TRMT9B: variants seen among roughly 807,000 people sequenced by gnomAD.
The protein encoded by TRMT9B is tRNA methyltransferase 9B (putative), also known as probable tRNA methyltransferase 9B.
In TRMT9B, 16 loss-of-function variants were observed where a neutral mutation model predicts 11.5. The ratio of observed to expected loss-of-function variants is 1.39; its 90% CI spans 0.94 to 2.11. TRMT9B has a LOEUF of 2.11. TRMT9B is among the 30% of genes most tolerant of loss of function. The pLI is 0.00. For missense variants in TRMT9B, 941 were observed against 553.8 expected (o/e 1.70, Z -7.02); for synonymous variants, 274 against 192.4 (o/e 1.42, Z -3.51).
intron 1 of TRMT9B, among the ~76,000 whole-genome samples, chr8:12,964,477 G>T (rs1473717380): frequency 6.6e-6 from 1 of 152,084 alleles, no homozygotes; most frequent in African/African-American, 2.4e-5. Context: ...TGTTTAATTT[G>T]TTTTTTACTT....
intron 1 of TRMT9B, among the ~76,000 whole-genome samples, chr8:12,976,775 T>A (rs1382982848): frequency 1.3e-5 from 2 of 152,100 alleles, no homozygotes; most frequent in East Asian, 3.9e-4. Flanking sequence ...ATCCTTAGCC[T>A]GAAAGGGAAA....
intron 1 of TRMT9B, among the ~76,000 whole-genome samples, chr8:12,978,578 T>G (rs1392753083): frequency 6.6e-6 from 1 of 152,106 alleles, no homozygotes; most frequent in East Asian, 1.9e-4. Context: ...ATTCTTGCAC[T>G]ATGAGCAATT....
intron 1 of TRMT9B, among the ~76,000 whole-genome samples, chr8:12,967,381 A>G (rs573709532): frequency 1.3e-5 from 2 of 152,156 alleles, no homozygotes; most frequent in Non-Finnish European, 2.9e-5. Flanking sequence ...CTGAACTACT[A>G]CTACATCCTA....
At chr8:12,978,127 G>C (rs537525084) in intron 1 of TRMT9B, among the ~76,000 whole-genome samples, 27 of 152,212 alleles carry the variant, frequency 1.8e-4, no homozygotes, top group Non-Finnish European at 2.6e-4. Context: ...ATAAGCTATA[G>C]ATCTGCCTTT....
chr8:13,001,110 T>A (rs1318593204), intron 2 of TRMT9B, among the ~76,000 whole-genome samples: 1 of 152,236 alleles, frequency 6.6e-6, no homozygotes, highest in Non-Finnish European at 1.5e-5. Context: ...TCCCTACAGC[T>A]ACATTTATTT....
chr8:12,995,762 C>G (rs1277769846), intron 2 of TRMT9B, among the ~76,000 whole-genome samples: 1 of 152,088 alleles, frequency 6.6e-6, no homozygotes, highest in Non-Finnish European at 1.5e-5. Context: ...ACCAATTAGA[C>G]CCAAGTCATT....
rs774403434 is a variant in TRMT9B, at chr8:13,021,653, G to A, written c.974G>A (p.Arg325Lys). The change falls in exon 5 of 5, where the codon AGA becomes AAA. Residue 325 changes from arginine (R) to lysine (K), a missense_variant. Transcript: ENST00000524591. ...SSSGKHLEWLRAPGTLKHLNG... is the reference protein window; with the variant it reads ...SSSGKHLEWLKAPGTLKHLNG... ...TCTGGAAAACACTTGGAGTGGCTGA[G>A]AGCACCAGGCACTCTGAAACATTTA... The A allele has an allele frequency of 6.2e-7, 1 of 1,613,832 alleles. No individual in the cohort carries two copies. The highest frequency in any genetic ancestry group is 1.1e-5 in the South Asian group (1 of 91,032).
chr8:13,006,393 G>T lies in TRMT9B; in HGVS notation c.154+37G>T, dbSNP rs999255388. ...GCCTCATCGCTGACATAGGTAACCA[G>T]GCAGCCTCATCGCTGACATAGGTAA... On this transcript the variant is annotated intron_variant, in intron 3 of 4. Coordinates refer to ENST00000524591, the MANE Select transcript of TRMT9B (RefSeq NM_020844.3). 8 of 786,316 alleles carry T rather than the reference G, an allele frequency of 1.0e-5. No individual in the cohort carries two copies. The Admixed American group carries it at 2.0e-4, about 20-fold the overall frequency. The allele number at this position is 786,316 out of a possible 1,614,324, so 48.7% of individuals were successfully genotyped here. A position where few individuals can be genotyped will look rare whatever the true frequency, so the allele number is the denominator to read the frequency against.
intron 2 of TRMT9B, among the ~76,000 whole-genome samples, chr8:13,000,944 A>G (rs76569563): frequency 0.025 from 3,746 of 152,124 alleles, 157 homozygotes; most frequent in African/African-American, 0.086. Flanking sequence ...GGTACTGTAA[A>G]ATGAACAGGT....
chr8:12,995,472 C>T (rs983150964), intron 2 of TRMT9B, among the ~76,000 whole-genome samples: 1 of 152,114 alleles, frequency 6.6e-6, no homozygotes, highest in African/African-American at 2.4e-5. Context: ...TTTCCTTATT[C>T]TCCATTTCTG....
chr8:13,018,354 A>G (rs1813180342), intron 4 of TRMT9B, among the ~76,000 whole-genome samples: 1 of 142,074 alleles, frequency 7.0e-6, no homozygotes, highest in Non-Finnish European at 1.5e-5. Context: ...GCAAGCTGAG[A>G]TGGAGCCACT....
intron 1 of TRMT9B, among the ~76,000 whole-genome samples, chr8:12,949,727 G>C: frequency 6.6e-6 from 1 of 152,104 alleles, no homozygotes; most frequent in East Asian, 1.9e-4. Flanking sequence ...ATATAAGGGG[G>C]TTTCAAAGCT....
chr8:13,019,114 G>C (rs1372757480), intron 4 of TRMT9B, among the ~76,000 whole-genome samples: 2 of 152,118 alleles, frequency 1.3e-5, no homozygotes, highest in East Asian at 3.8e-4. Context: ...ACAATTTGGG[G>C]AGTATTGATT....
chr8:12,945,756 T>C lies in TRMT9B; in HGVS notation c.-410T>C, dbSNP rs925151743. The stretch of plus-strand genomic sequence containing the variant: ...ATGTTCTTTTGGCTTTTTTTCTTTG[T>C]TTTATTCTTTTTTCATTTTTTGTGT... On this transcript the variant is annotated 5_prime_UTR_variant, in exon 1 of 5. Coordinates refer to ENST00000524591, the MANE Select transcript of TRMT9B (RefSeq NM_020844.3). 3.3e-5 allele frequency: 5 copies of C among 152,202 alleles called. No homozygotes were observed. The highest frequency in any genetic ancestry group is 1.2e-4 in the African/African-American group (5 of 41,444). 9.4% of individuals were successfully genotyped at this position (152,202 alleles called of 1,614,324 possible). A position where few individuals can be genotyped will look rare whatever the true frequency, so the allele number is the denominator to read the frequency against.
chr8:12,958,344 T>C (rs1479210789), intron 1 of TRMT9B: 2 of 152,210 alleles, frequency 1.3e-5, no homozygotes, highest in African/African-American at 4.8e-5. Flanking sequence ...TTTAGGTATA[T>C]ACCCAAGTAT....
At chr8:12,969,334 C>T (rs973255905) in intron 1 of TRMT9B, among the ~76,000 whole-genome samples, 2 of 152,190 alleles carry the variant, frequency 1.3e-5, no homozygotes, top group East Asian at 3.8e-4. Context: ...GTAAATCTAC[C>T]TTCCTATGTT....
chr8:12,946,340 C>G (rs1454640933), intron 1 of TRMT9B, among the ~76,000 whole-genome samples: 1 of 151,862 alleles, frequency 6.6e-6, no homozygotes, highest in Non-Finnish European at 1.5e-5. Flanking sequence ...ACATAAAGAA[C>G]TAGAATAGAA....
intron 1 of TRMT9B, among the ~76,000 whole-genome samples, chr8:12,949,588 T>G (rs921280169): frequency 2.0e-5 from 3 of 152,208 alleles, no homozygotes; most frequent in African/African-American, 7.2e-5. Flanking sequence ...TTTTTCTACC[T>G]GCCTCCAAAC....
intron 1 of TRMT9B, among the ~76,000 whole-genome samples, chr8:12,965,052 C>T (rs1802631592): frequency 6.6e-6 from 1 of 152,216 alleles, no homozygotes; most frequent in Non-Finnish European, 1.5e-5. Context: ...GTACAATTTG[C>T]TGCCACAGGA....
Sources: allele counts gnomAD v4.1 joint callset (sites outside exome capture counted in the v4.1 genomes callset), GRCh38; gene constraint gnomAD v4.1.1; transcripts MANE v1.5; gene names NCBI Gene and HGNC (gene_info 2026-07-23, HGNC 2026-07-21).